Variants in RIPOR2 observed in about 807,000 individuals in gnomAD.
RIPOR2 encodes the protein rho family-interacting cell polarization regulator 2.
Under a neutral mutation model 114.5 loss-of-function variants are expected in RIPOR2, and 39 were observed. The ratio of observed to expected loss-of-function variants is 0.34; its 90% CI spans 0.26 to 0.44. RIPOR2 has a LOEUF of 0.44. Among genes scored for constraint, RIPOR2 ranks in the 20% least tolerant of loss-of-function variants. The pLI, the probability that RIPOR2 is intolerant of heterozygous loss-of-function variation, is 1.00. For synonymous variants in RIPOR2, 445 were observed against 484.4 expected (o/e 0.92, Z 1.07); for missense variants, 1,007 against 1,255.1 (o/e 0.80, Z 2.99).
intron 1 of RIPOR2, chr6:24,910,726 A>T (rs1466316261): frequency 1.9e-5 from 14 of 743,462 alleles, no homozygotes; most frequent in Non-Finnish European, 2.1e-5. Flanking sequence ...TTCAACGCTC[A>T]TTCAAGTCGA....
intron 1 of RIPOR2, among the ~76,000 whole-genome samples, chr6:24,932,345 T>TGA (rs1245510979): frequency 6.8e-5 from 10 of 147,432 alleles, no homozygotes; most frequent in Non-Finnish European, 1.5e-4. Flanking sequence ...TGTGTGTGTA[T>TGA]GAGAGAGAGA....
intron 18 of RIPOR2, 67 bp from the exon 19 acceptor site, chr6:24,825,495 TAA>T: frequency 8.8e-7 from 1 of 1,132,566 alleles, no homozygotes. Context: ...ATTACAAATA[TAA>T]ATAGAACTCA....
At chr6:24,951,135 T>A (rs1385060867) in intron 1 of RIPOR2, among the ~76,000 whole-genome samples, 1 of 152,212 alleles carries the variant, frequency 6.6e-6, no homozygotes, top group Non-Finnish European at 1.5e-5. Context: ...AGTGGTAGAA[T>A]GACACCTGAG....
intron 1 of RIPOR2, among the ~76,000 whole-genome samples, chr6:24,890,131 G>A (rs1463102434): frequency 1.3e-5 from 2 of 151,968 alleles, no homozygotes; most frequent in Non-Finnish European, 2.9e-5. Flanking sequence ...CTGATCTCAG[G>A]AGATCCACCC....
At chr6:24,877,033 G>T (rs764149767) in intron 1 of RIPOR2, 36 of 985,196 alleles carry the variant, frequency 3.7e-5, no homozygotes, top group Non-Finnish European at 4.3e-5. Context: ...CCAGATTGAA[G>T]ACTCCAAAGT....
upstream of RIPOR2, among the ~76,000 whole-genome samples, chr6:24,938,340 C>T (rs190879170): frequency 2.0e-5 from 3 of 152,218 alleles, no homozygotes; most frequent in African/African-American, 7.2e-5. Context: ...AGAGATTCTC[C>T]CTCACATCCC....
rs554509598 is a variant in RIPOR2 at position 24,929,190 on chromosome 6, A to C, written c.61+6648T>G. 6 of 149,846 alleles carry C rather than the reference A, an allele frequency of 4.0e-5. No homozygotes were observed. The East Asian group carries it at 1.0e-3, about 26-fold the overall frequency. The allele number at this position is 149,846 out of a possible 1,614,324, so 9.3% of individuals were successfully genotyped here. A position where few individuals can be genotyped will look rare whatever the true frequency, so the allele number is the denominator to read the frequency against. On this transcript the variant is annotated intron_variant, in intron 1 of 21. Transcript: ENST00000643898. ...AAAAATATCTGAAAAGGATAAACTA[A>C]ATTGTTCTTTTTTTTTTTTTGGAAG...
intron 1 of RIPOR2, among the ~76,000 whole-genome samples, chr6:24,933,865 G>A (rs1021823444): frequency 2.6e-5 from 4 of 152,086 alleles, no homozygotes; most frequent in Admixed American, 1.3e-4. Flanking sequence ...CTGGAACCTG[G>A]GGACCTCAGC....
At chr6:24,839,393 G>A in intron 13 of RIPOR2, 121 bp from the exon 14 acceptor site, 1 of 1,430,794 alleles carries the variant, frequency 7.0e-7, no homozygotes, top group Non-Finnish European at 9.2e-7. Flanking sequence ...TTTTTTGTTA[G>A]CATTTAAAAA....
chr6:25,015,096 G>C (rs1235389215), intron 1 of RIPOR2: 1 of 152,140 alleles, frequency 6.6e-6, no homozygotes, highest in Non-Finnish European at 1.5e-5. Flanking sequence ...TAATTATACA[G>C]AGTTGCCCCC....
chr6:24,835,593 T>C (rs963744918), intron 15 of RIPOR2, 110 bp downstream of exon 15: 3 of 1,177,568 alleles, frequency 2.5e-6, no homozygotes, highest in Admixed American at 4.1e-5. Context: ...AGCAAGACTG[T>C]TCTCTTATTC....
chr6:24,961,731 G>GCCTCCCAGGTTCAAGTGATT (rs1773318937), intron 1 of RIPOR2, among the ~76,000 whole-genome samples: 1 of 151,634 alleles, frequency 6.6e-6, no homozygotes, highest in Non-Finnish European at 1.5e-5. Context: ...TTCAAGTGAT[G>GCCTCCCAGGTTCAAGTGATT]CTCCTACCTC....
Position 24,927,149 on chromosome 6 carries a change from C to T in RIPOR2, c.61+8689G>A, listed in dbSNP as rs1373562464. 1.7e-4 allele frequency among the ~76,000 whole-genome samples: 9 copies of T among 51,530 alleles called. 3 individuals are homozygous for T. The highest frequency in any genetic ancestry group is 1.3e-3 in the Admixed American group (6 of 4,714). The allele number at this position is 51,530 out of a possible 152,430, so 33.8% of individuals were successfully genotyped here. A position where few individuals can be genotyped will look rare whatever the true frequency, so the allele number is the denominator to read the frequency against. On this transcript the variant is annotated intron_variant, in intron 1 of 21. Coordinates refer to ENST00000643898, the MANE Select transcript of RIPOR2 (RefSeq NM_001286445.3). The stretch of plus-strand genomic sequence containing the variant: ...CATCATCTCACTACCACCACCACCA[C>T]CACCACCACCACAACTACAATCACC...
intron 1 of RIPOR2, among the ~76,000 whole-genome samples, chr6:24,917,776 G>T (rs982284299): frequency 2.0e-5 from 3 of 152,144 alleles, no homozygotes; most frequent in Non-Finnish European, 2.9e-5. Context: ...TGTTCTGCCC[G>T]CATCAGCCTC....
chr6:24,968,226 A>G (rs960303502), intron 1 of RIPOR2, among the ~76,000 whole-genome samples: 1 of 152,110 alleles, frequency 6.6e-6, no homozygotes, highest in Non-Finnish European at 1.5e-5. Context: ...TCTTATATGC[A>G]GTTAACTTTT....
At chr6:24,882,350 G>A (rs575842788) in intron 1 of RIPOR2, among the ~76,000 whole-genome samples, 4 of 152,310 alleles carry the variant, frequency 2.6e-5, no homozygotes, top group South Asian at 4.1e-4. Flanking sequence ...GCCAGTGGCC[G>A]ACCTCCTTTC....
At chr6:24,838,983 A>G in intron 14 of RIPOR2, 108 bp downstream of exon 14, 1 of 874,808 alleles carries the variant, frequency 1.1e-6, no homozygotes, top group South Asian at 2.0e-5. Context: ...TCATGTGGAG[A>G]GTTTTATCTT....
intron 1 of RIPOR2, among the ~76,000 whole-genome samples, chr6:24,891,999 T>A (rs919474367): frequency 1.2e-4 from 19 of 152,164 alleles, no homozygotes; most frequent in Non-Finnish European, 1.6e-4. Flanking sequence ...GCTGGGACTA[T>A]AGGTGCGTGC....
chr6:25,042,107 T>C (rs1052887183), upstream of RIPOR2: 5 of 517,448 alleles, frequency 9.7e-6, no homozygotes, highest in African/African-American at 9.8e-5. Flanking sequence ...TCTTTTATCT[T>C]GTAACTTGCC....
Sources: allele counts gnomAD v4.1 joint callset (sites outside exome capture counted in the v4.1 genomes callset), GRCh38; gene constraint gnomAD v4.1.1; transcripts MANE v1.5; gene names NCBI Gene and HGNC (gene_info 2026-07-23, HGNC 2026-07-21).